The following SLC10A7 variants were observed in gnomAD, a reference collection of about 807,000 sequenced individuals.
The protein encoded by SLC10A7 is solute carrier family 10 member 7.
A neutral mutation model predicts 43.2 loss-of-function variants in SLC10A7; 29 were observed. The observed-to-expected ratio is 0.67, with a 90% CI of 0.50 to 0.92. The LOEUF is 0.92. Among genes scored for constraint, SLC10A7 ranks in the 40% least tolerant of loss-of-function variants. SLC10A7 has a pLI of 0.00. For synonymous variants in SLC10A7, 152 were observed against 144.8 expected (o/e 1.05, Z -0.35); for missense variants, 295 against 403.2 (o/e 0.73, Z 2.30).
chr4:146,350,020 G>A (rs998967812), intron 5 of SLC10A7, among the ~76,000 whole-genome samples: 2 of 152,034 alleles, frequency 1.3e-5, no homozygotes, highest in Non-Finnish European at 2.9e-5. Context: ...ATATATATAG[G>A]GGGAGGAGCC....
At chr4:146,309,460 TG>T (rs1370501925) in intron 6 of SLC10A7, among the ~76,000 whole-genome samples, 2 of 152,052 alleles carry the variant, frequency 1.3e-5, no homozygotes, top group African/African-American at 4.8e-5. Context: ...TCAAAAAGCC[TG>T]GGGAGAGGGA....
intron 5 of SLC10A7, among the ~76,000 whole-genome samples, chr4:146,399,117 T>C (rs1439927882): frequency 6.6e-6 from 1 of 152,002 alleles, no homozygotes; most frequent in East Asian, 1.9e-4. Flanking sequence ...GACACTGGAG[T>C]GACAAGAGGA....
At chr4:146,488,838 G>C (rs1421114381) in intron 4 of SLC10A7, among the ~76,000 whole-genome samples, 1 of 152,122 alleles carries the variant, frequency 6.6e-6, no homozygotes, top group Non-Finnish European at 1.5e-5. Context: ...ACAGAACAAA[G>C]TTTACCTTAA....
At chr4:146,356,026 A>T (rs1235515190) in intron 5 of SLC10A7, among the ~76,000 whole-genome samples, 1 of 112,398 alleles carries the variant, frequency 8.9e-6, no homozygotes, top group Admixed American at 9.8e-5. Flanking sequence ...GTACCCTAAA[A>T]CTTAAAGTAT....
At chr4:146,326,973 AAGAG>A (rs33979046) in intron 5 of SLC10A7, among the ~76,000 whole-genome samples, 10,228 of 148,962 alleles carry the variant, frequency 0.069, 494 homozygotes, top group South Asian at 0.19. Context: ...CACACAGAAA[AAGAG>A]AGAGAGAGAG....
At chr4:146,505,744 A>T (rs868242092) in intron 3 of SLC10A7, among the ~76,000 whole-genome samples, 3 of 152,060 alleles carry the variant, frequency 2.0e-5, no homozygotes, top group African/African-American at 7.2e-5. Flanking sequence ...CGTCTGTCCT[A>T]TTATAAATTC....
At chr4:146,328,573 C>G (rs559383897) in intron 5 of SLC10A7, among the ~76,000 whole-genome samples, 5 of 152,250 alleles carry the variant, frequency 3.3e-5, no homozygotes, top group African/African-American at 1.2e-4. Context: ...AGAACCTATG[C>G]AAACCATCCC....
chr4:146,472,814 T>G (rs1733690480), intron 4 of SLC10A7, among the ~76,000 whole-genome samples: 1 of 152,220 alleles, frequency 6.6e-6, no homozygotes. Context: ...TTATTTATGA[T>G]TTGAATCTAC....
intron 5 of SLC10A7, among the ~76,000 whole-genome samples, chr4:146,422,890 T>A (rs957652749): frequency 6.6e-6 from 1 of 152,134 alleles, no homozygotes; most frequent in Non-Finnish European, 1.5e-5. Flanking sequence ...TTTTAGCCAA[T>A]CTTTACATGT....
intron 5 of SLC10A7, among the ~76,000 whole-genome samples, chr4:146,415,253 G>C (rs1179390682): frequency 6.6e-6 from 1 of 152,200 alleles, no homozygotes; most frequent in Non-Finnish European, 1.5e-5. Flanking sequence ...ATAATGGAAA[G>C]TAGATTGTCA....
At chr4:146,445,651 G>C (rs1730987316) in intron 4 of SLC10A7, among the ~76,000 whole-genome samples, 1 of 152,102 alleles carries the variant, frequency 6.6e-6, no homozygotes, top group African/African-American at 2.4e-5. Flanking sequence ...GTTCTTGTCA[G>C]GCGTCCAGGA....
intron 6 of SLC10A7, among the ~76,000 whole-genome samples, chr4:146,313,799 C>T (rs567502320): frequency 1.2e-4 from 19 of 152,228 alleles, no homozygotes; most frequent in African/African-American, 4.6e-4. Flanking sequence ...CTTCTATGAA[C>T]TCCTATTAAG....
intron 4 of SLC10A7, among the ~76,000 whole-genome samples, chr4:146,449,734 A>T (rs753016129): frequency 2.0e-5 from 3 of 152,174 alleles, no homozygotes; most frequent in Non-Finnish European, 4.4e-5. Context: ...CCTCTTCTCC[A>T]TGGGCCCTAT....
chr4:146,448,567 TA>T lies in SLC10A7; in HGVS notation c.397-5747del, dbSNP rs568734553. Among the ~76,000 whole-genome samples, 594 of 151,708 alleles carry T rather than the reference TA, an allele frequency of 3.9e-3. 2 individuals are homozygous for T. Among genetic ancestry groups the T allele is most frequent in the Non-Finnish European group, 5.6e-3 (382 of 67,860 alleles). On this transcript the variant is annotated intron_variant, in intron 4 of 11. Transcript: ENST00000335472. ...TTCCTTCCCTTATGAGGTTACTAAATAAAAAAAAGGTAAAATCCATTATTTA... is the reference window on the plus strand; with the variant it reads ...TTCCTTCCCTTATGAGGTTACTAAATAAAAAAAGGTAAAATCCATTATTTA...
rs550229682 is a variant in SLC10A7 at position 146,491,277 on chromosome 4, T to C, written c.396+12572A>G. 2.6e-5 allele frequency among the ~76,000 whole-genome samples: 4 copies of C among 152,216 alleles called. 1 individual carries two copies. The South Asian group carries it at 8.3e-4, about 32-fold the overall frequency. ...AGAAGACAAAGTCCTCAAAATAGCC[T>C]GAAGACCAATAACAAAACAACTGTC... On this transcript the variant is annotated intron_variant, in intron 4 of 11. Transcript: ENST00000335472.
In SLC10A7 at chr4:146,316,613, AT is replaced by A. The variant is rs535518282; in HGVS notation, c.471+9347del. On this transcript the variant is annotated intron_variant, in intron 6 of 11. Coordinates refer to ENST00000335472, the MANE Select transcript of SLC10A7 (RefSeq NM_001029998.6). ...GTTTATAAGCCACCCAGTTTGTGGT[AT>A]TTTTTTTACAGTAGCCTGGATGAAC... Among the ~76,000 whole-genome samples, 598 of 151,932 alleles carry A rather than the reference AT, an allele frequency of 3.9e-3. 2 individuals carry two copies. Among genetic ancestry groups the A allele is most frequent in the African/African-American group, 0.013 (547 of 41,496 alleles).
chr4:146,495,690 A>T (rs1034009968), intron 4 of SLC10A7, among the ~76,000 whole-genome samples: 1 of 151,796 alleles, frequency 6.6e-6, no homozygotes, highest in Non-Finnish European at 1.5e-5. Flanking sequence ...ACCACATGTG[A>T]TAATTTTCTT....
At chr4:146,438,162 C>T (rs910776461) in intron 5 of SLC10A7, among the ~76,000 whole-genome samples, 2 of 151,812 alleles carry the variant, frequency 1.3e-5, no homozygotes, top group Non-Finnish European at 2.9e-5. Flanking sequence ...GGGTAGTAAC[C>T]GAGAACCAGC....
intron 4 of SLC10A7, among the ~76,000 whole-genome samples, chr4:146,467,901 T>C (rs935936638): frequency 1.3e-5 from 2 of 152,212 alleles, no homozygotes; most frequent in East Asian, 3.9e-4. Context: ...CCTGGATCTA[T>C]GTGATGTGAT....
Sources: gnomAD v4.1 joint callset for allele counts (sites outside exome capture counted in the v4.1 genomes callset) on GRCh38, gnomAD v4.1.1 for gene constraint, MANE v1.5 for transcripts, NCBI Gene and HGNC (gene_info 2026-07-23, HGNC 2026-07-21) for gene names.